The following ABCC12 variants were observed in gnomAD, a reference collection of about 807,000 sequenced individuals.
ABCC12 encodes ATP binding cassette subfamily C member 12.
A neutral mutation model predicts 151.1 loss-of-function variants in ABCC12; 142 were observed. That is an observed-to-expected ratio of 0.94 (90% confidence interval 0.82 to 1.08). The LOEUF (loss-of-function observed/expected upper bound fraction) is 1.08, where lower values mean the gene tolerates loss of function less well. Among genes scored for constraint, ABCC12 ranks in the 50% least tolerant of loss-of-function variants. The probability of loss-of-function intolerance (pLI) is 0.00; values close to 1 mark genes in which losing one functional copy is unlikely to be tolerated. For synonymous variants in ABCC12, 645 were observed against 646.4 expected (o/e 1.00, Z 0.03); for missense variants, 1,638 against 1,691.1 (o/e 0.97, Z 0.55).
intron 20 of ABCC12, 68 bp from the exon 21 acceptor site, chr16:48,105,404 G>T: frequency 6.8e-7 from 1 of 1,466,320 alleles, no homozygotes. Flanking sequence ...GAATTTTCCG[G>T]AGAATCTTTC....
chr16:48,146,415 C>T lies in ABCC12; in HGVS notation c.10G>A (p.Glu4Lys). 1 of 1,614,152 alleles carries T rather than the reference C, an allele frequency of 6.2e-7. No homozygotes were observed. ...AGATCTGAGATAAGGTAGGGTCCTT[C>T]ACCCACCATCCTGATGGCAGCCTGG... is the stretch of plus-strand genomic sequence containing the variant. MVGEGPYLISDLDQ... is the reference protein window; with the variant it reads MVGKGPYLISDLDQ... Residue 4 changes from glutamate (E) to lysine (K), a missense_variant, in exon 3 of 31, where the codon GAA (glutamate) becomes AAA (lysine). By Grantham distance (56) the Glu-to-Lys change is moderately conservative. Coordinates refer to ENST00000311303, the MANE Select transcript of ABCC12 (RefSeq NM_001393797.1).
At chr16:48,140,201 T>G (rs1964757293) in intron 6 of ABCC12, among the ~76,000 whole-genome samples, 1 of 152,104 alleles carries the variant, frequency 6.6e-6, no homozygotes, top group Non-Finnish European at 1.5e-5. Flanking sequence ...TGTTGTTGTG[T>G]GTGTGTGTTT....
At chr16:48,126,585 T>C (rs560510104) in intron 11 of ABCC12, among the ~76,000 whole-genome samples, 2 of 152,308 alleles carry the variant, frequency 1.3e-5, no homozygotes, top group South Asian at 4.1e-4. Context: ...ACTATGGGCT[T>C]AGCATTTTTA....
chr16:48,107,260 G>A lies in ABCC12; in HGVS notation c.2475+62C>T, dbSNP rs1302864542. The stretch of plus-strand genomic sequence containing the variant: ...GGTGGCAGGGGCAGTCAGATGCTCT[G>A]GCAGCAGAGTTTTACTCCAAGACAC... On this transcript the variant is annotated intron_variant, in intron 20 of 30. Coordinates refer to ENST00000311303, the MANE Select transcript of ABCC12 (RefSeq NM_001393797.1). 2.0e-6 allele frequency: 3 copies of A among 1,498,948 alleles called. No individual in the cohort carries two copies. In the East Asian group the frequency reaches 6.8e-5, roughly 34 times the overall value. 92.9% of individuals were successfully genotyped at this position (1,498,948 alleles called of 1,614,324 possible). A position where few individuals can be genotyped will look rare whatever the true frequency, so the allele number is the denominator to read the frequency against.
intron 23 of ABCC12, among the ~76,000 whole-genome samples, chr16:48,099,572 T>C (rs554968529): frequency 6.6e-6 from 1 of 152,282 alleles, no homozygotes; most frequent in South Asian, 2.1e-4. Context: ...TCCATTTTCT[T>C]TTCCTCCTTT....
chr16:48,135,237 C>T (rs1964569181), intron 8 of ABCC12, among the ~76,000 whole-genome samples: 1 of 152,148 alleles, frequency 6.6e-6, no homozygotes, highest in South Asian at 2.1e-4. Flanking sequence ...CCTTGCTTGG[C>T]ACGCAGCAAA....
At chr16:48,097,890 C>T (rs1963158751) in intron 23 of ABCC12, among the ~76,000 whole-genome samples, 1 of 152,182 alleles carries the variant, frequency 6.6e-6, no homozygotes, top group African/African-American at 2.4e-5. Flanking sequence ...CCCACATCTG[C>T]ACAGTGCATT....
rs559870470 is a variant in ABCC12, at chr16:48,127,775, C to A, written c.1515+684G>T. Among the ~76,000 whole-genome samples, 144 of 152,198 alleles carry A rather than the reference C, an allele frequency of 9.5e-4. 3 individuals are homozygous for A. In the South Asian group the frequency reaches 0.028, roughly 29 times the overall value. The stretch of plus-strand genomic sequence containing the variant: ...TTCCAATGTGAAATTAAGAACATAT[C>A]TAGGACAGGAGCAGTGGTTCATGCC... On this transcript the variant is annotated intron_variant, in intron 11 of 30. Transcript: ENST00000311303.
chr16:48,132,472 T>C (rs1964460242), intron 9 of ABCC12, among the ~76,000 whole-genome samples: 1 of 152,202 alleles, frequency 6.6e-6, no homozygotes, highest in African/African-American at 2.4e-5. Flanking sequence ...GTGAGGTCCC[T>C]GATTTTAGGT....
chr16:48,148,395 T>C (rs1965069144), intron 2 of ABCC12, among the ~76,000 whole-genome samples: 1 of 151,896 alleles, frequency 6.6e-6, no homozygotes, highest in South Asian at 2.1e-4. Context: ...CACCACCATG[T>C]CCAGCTAATT....
chr16:48,140,117 T>C (rs1159224200), intron 6 of ABCC12, among the ~76,000 whole-genome samples: 36 of 152,346 alleles, frequency 2.4e-4, no homozygotes. Context: ...AAAGAGCAAC[T>C]AGTAAGAAAG....
chr16:48,123,862 C>T (rs909548795), intron 12 of ABCC12, among the ~76,000 whole-genome samples: 2 of 152,240 alleles, frequency 1.3e-5, no homozygotes, highest in African/African-American at 2.4e-5. Context: ...AGTCCTTCCA[C>T]ACCAAGCTGC....
Position 48,115,601 on chromosome 16 carries a change from G to A in ABCC12, c.1803C>T (p.Leu601=). 1 of 1,613,816 alleles carries A rather than the reference G, an allele frequency of 6.2e-7. No homozygotes were observed. Among genetic ancestry groups the A allele is most frequent in the East Asian group, 2.2e-5 (1 of 44,878 alleles). ...GDLTEIGERG[L]NLSGGQRQRI... ...TCTGCCTCTGCCCCCCAGAGAGGTTGAGGCCCCGCTCCCCAATCTGTGGAC... is the reference window on the plus strand; with the variant it reads ...TCTGCCTCTGCCCCCCAGAGAGGTTAAGGCCCCGCTCCCCAATCTGTGGAC... The change falls in exon 15 of 31, where the codon CTC becomes CTT. Residue 601 remains leucine (L), a synonymous_variant. Coordinates refer to ENST00000311303, the MANE Select transcript of ABCC12 (RefSeq NM_001393797.1).
intron 11 of ABCC12, among the ~76,000 whole-genome samples, chr16:48,127,781 C>T (rs1397097760): frequency 1.3e-5 from 2 of 152,096 alleles, no homozygotes; most frequent in African/African-American, 4.8e-5. Context: ...ATATCTAGGA[C>T]AGGAGCAGTG....
rs765088472 is a variant in ABCC12 at position 48,107,376 on chromosome 16, G to A, written c.2421C>T (p.Gly807=). 5 of 1,614,184 alleles carry A rather than the reference G, an allele frequency of 3.1e-6. No homozygotes were observed. The highest frequency in any genetic ancestry group is 4.2e-6 in the Non-Finnish European group (5 of 1,180,040). Reference sequence around the variant, plus strand: ...GCCACCAGTTGCTGAAGGCAGCGCTGCCAATCATCAGGAGGAAGAGGAACA... The same window carrying A: ...GCCACCAGTTGCTGAAGGCAGCGCTACCAATCATCAGGAGGAAGAGGAACA... ...FTVFLFLLMI[G]SAAFSNWWLG... is the part of the protein sequence containing the mutation. The change falls in exon 20 of 31, where the codon GGC becomes GGT. Residue 807 remains glycine, a synonymous_variant. Transcript: ENST00000311303.
intron 20 of ABCC12, among the ~76,000 whole-genome samples, chr16:48,106,383 G>A (rs1963492931): frequency 6.6e-6 from 1 of 152,100 alleles, no homozygotes; most frequent in African/African-American, 2.4e-5. Context: ...AGTGTCTGGG[G>A]CACCAGGGGC....
intron 2 of ABCC12, among the ~76,000 whole-genome samples, chr16:48,147,432 T>C (rs1031865212): frequency 1.3e-5 from 2 of 152,210 alleles, no homozygotes; most frequent in Non-Finnish European, 2.9e-5. Context: ...TATTATTATA[T>C]ATAAACGGGG....
At chr16:48,089,387 G>T (rs1020817250) in intron 25 of ABCC12, among the ~76,000 whole-genome samples, 5 of 151,954 alleles carry the variant, frequency 3.3e-5, no homozygotes, top group African/African-American at 1.2e-4. Context: ...ACTAGAAGAA[G>T]AAAGATGATA....
intron 7 of ABCC12, 55 bp downstream of exon 7, chr16:48,139,108 A>G: frequency 6.6e-7 from 1 of 1,512,886 alleles, no homozygotes; most frequent in African/African-American, 1.4e-5. Context: ...CAATTCAGTG[A>G]AAGTGTGTGA....
Sources: gnomAD v4.1 joint callset for allele counts (sites outside exome capture counted in the v4.1 genomes callset) on GRCh38, gnomAD v4.1.1 for gene constraint, MANE v1.5 for transcripts, NCBI Gene and HGNC (gene_info 2026-07-23, HGNC 2026-07-21) for gene names.